Variants in MAML3 observed in about 807,000 individuals in gnomAD.
MAML3 encodes mastermind like transcriptional coactivator 3.
MAML3 carries 27 observed loss-of-function variants against 101.9 expected under a neutral mutation model. The observed-to-expected ratio is 0.27, with a 90% CI of 0.20 to 0.37. The LOEUF (loss-of-function observed/expected upper bound fraction) is 0.37, where lower values mean the gene tolerates loss of function less well. MAML3 is among the 10% of genes least tolerant of loss of function. The pLI is 1.00. For missense variants in MAML3, 1,316 were observed against 1,444.9 expected (o/e 0.91, Z 1.45); for synonymous variants, 501 against 555.9 (o/e 0.90, Z 1.39).
At chr4:140,008,351 T>C (rs962313980) in intron 1 of MAML3, among the ~76,000 whole-genome samples, 1 of 147,016 alleles carries the variant, frequency 6.8e-6, no homozygotes, top group Non-Finnish European at 1.5e-5. Flanking sequence ...CAGTCTCAAT[T>C]AAAAAAAAAA....
intron 1 of MAML3, among the ~76,000 whole-genome samples, chr4:140,151,769 G>A (rs1038136711): frequency 1.5e-4 from 23 of 152,144 alleles, no homozygotes; most frequent in Non-Finnish European, 2.8e-4. Context: ...CCGGAGAGGG[G>A]AGATAAGAGA....
At chr4:139,722,002 G>T (rs1354929324) in intron 4 of MAML3, among the ~76,000 whole-genome samples, 1 of 152,142 alleles carries the variant, frequency 6.6e-6, no homozygotes, top group Non-Finnish European at 1.5e-5. Context: ...GAGATTGATT[G>T]GATAGACCCA....
intron 1 of MAML3, among the ~76,000 whole-genome samples, chr4:139,930,126 A>G (rs1733351812): frequency 6.6e-6 from 1 of 152,252 alleles, no homozygotes; most frequent in Non-Finnish European, 1.5e-5. Context: ...TTCCCACAGA[A>G]TTATAGATAA....
At chr4:139,812,263 TAA>T (rs967869698) in intron 2 of MAML3, among the ~76,000 whole-genome samples, 2 of 152,088 alleles carry the variant, frequency 1.3e-5, no homozygotes, top group African/African-American at 4.8e-5. Flanking sequence ...AAGAAAATCT[TAA>T]AGAGTCTAGG....
intron 2 of MAML3, among the ~76,000 whole-genome samples, chr4:139,872,693 A>G (rs1005354356): frequency 1.3e-5 from 2 of 152,224 alleles, no homozygotes; most frequent in African/African-American, 4.8e-5. Flanking sequence ...GATAGAAATG[A>G]TAAGTGTCTT....
At position 139,719,300 on chromosome 4, in the gene MAML3, G is replaced by A. The variant is rs564706287; in HGVS notation, c.*23C>T. The A allele has an allele frequency of 1.9e-6, 3 of 1,540,654 alleles. No homozygotes were observed. Among genetic ancestry groups the A allele is most frequent in the South Asian group, 2.5e-5 (2 of 79,636 alleles). Reference sequence around the variant, plus strand: ...TTTTTAAGCTTTAACCACTCGAGTTGTGGATCTTGGGGCCTCTCTTGATTA... The same window carrying A: ...TTTTTAAGCTTTAACCACTCGAGTTATGGATCTTGGGGCCTCTCTTGATTA... On this transcript the variant is annotated 3_prime_UTR_variant, in exon 5 of 5. Coordinates refer to ENST00000509479, the MANE Select transcript of MAML3 (RefSeq NM_018717.5).
At chr4:140,121,597 T>G (rs981131008) in intron 1 of MAML3, among the ~76,000 whole-genome samples, 4 of 152,228 alleles carry the variant, frequency 2.6e-5, no homozygotes, top group Admixed American at 2.0e-4. Context: ...AAGCAAAAAC[T>G]AGAGTTTTAC....
intron 2 of MAML3, among the ~76,000 whole-genome samples, chr4:139,777,565 C>T (rs181211042): frequency 2.8e-4 from 43 of 152,104 alleles, no homozygotes; most frequent in Non-Finnish European, 5.3e-4. Flanking sequence ...TTCTCTCTGT[C>T]GCCCAGGCTG....
At chr4:139,908,565 GAT>G (rs1351237866) in intron 1 of MAML3, among the ~76,000 whole-genome samples, 1 of 152,200 alleles carries the variant, frequency 6.6e-6, no homozygotes, top group Non-Finnish European at 1.5e-5. Context: ...ATTCTTCTCA[GAT>G]ATTTAAGTAG....
intron 3 of MAML3, among the ~76,000 whole-genome samples, chr4:139,729,275 C>T (rs998558746): frequency 2.6e-5 from 4 of 151,706 alleles, no homozygotes; most frequent in African/African-American, 9.7e-5. Flanking sequence ...ATAGGGACCT[C>T]CATGGGCCCG....
intron 1 of MAML3, among the ~76,000 whole-genome samples, chr4:139,955,374 A>G (rs1733899311): frequency 6.6e-6 from 1 of 152,036 alleles, no homozygotes; most frequent in Admixed American, 6.6e-5. Flanking sequence ...TAGGGAGAGA[A>G]GGGATAGAGG....
intron 1 of MAML3, among the ~76,000 whole-genome samples, chr4:140,112,916 T>A (rs567817408): frequency 2.0e-5 from 3 of 152,228 alleles, no homozygotes; most frequent in Admixed American, 1.3e-4. Context: ...GAAACTTGCA[T>A]GCAATGCTCA....
rs1318083096 is a variant in MAML3, at chr4:139,890,060, C to A, written c.1376G>T (p.Ser459Ile). The stretch of plus-strand genomic sequence containing the variant: ...CTGTTCTGCTGGAGACATGTCAGAG[C>A]TGGGCACAGCCACAGGCCCTGACGC... ...GSASGPVAVP[S>I]SDMSPAEQLK... Residue 459 changes from serine to isoleucine, a missense_variant, in exon 2 of 5, where the codon AGC (serine) becomes ATC (isoleucine). Ser to Ile is a moderately radical substitution (Grantham distance 142). Coordinates refer to ENST00000509479, the MANE Select transcript of MAML3 (RefSeq NM_018717.5). The surrounding 1 kb of genome is among the most constrained non-coding windows in gnomAD (Gnocchi z 4.1). 23 of 1,609,426 alleles carry A rather than the reference C, an allele frequency of 1.4e-5. No homozygotes were observed. The highest frequency in any genetic ancestry group is 8.9e-5 in the East Asian group (4 of 44,794).
intron 2 of MAML3, among the ~76,000 whole-genome samples, chr4:139,749,436 T>C (rs1729428004): frequency 1.3e-5 from 2 of 152,234 alleles, no homozygotes; most frequent in Non-Finnish European, 2.9e-5. Context: ...GAAATCTGAT[T>C]GTTTTCTCAG....
chr4:140,075,350 T>C (rs1419637359), intron 1 of MAML3, among the ~76,000 whole-genome samples: 1 of 151,964 alleles, frequency 6.6e-6, no homozygotes, highest in Non-Finnish European at 1.5e-5. Flanking sequence ...AAGTAAAATA[T>C]AGATGTGTAG....
chr4:139,942,679 T>C (rs1309487038), intron 1 of MAML3, among the ~76,000 whole-genome samples: 3 of 152,038 alleles, frequency 2.0e-5, no homozygotes, highest in Non-Finnish European at 4.4e-5. Flanking sequence ...ATACTCCTAA[T>C]ATTAATTATA....
intron 2 of MAML3, among the ~76,000 whole-genome samples, chr4:139,881,712 T>C (rs1732224694): frequency 6.6e-6 from 1 of 152,232 alleles, no homozygotes; most frequent in African/African-American, 2.4e-5. Flanking sequence ...TGTATTTATT[T>C]ATTTATTGAA....
At chr4:140,036,657 C>T (rs78678294) in intron 1 of MAML3, among the ~76,000 whole-genome samples, 1,545 of 152,296 alleles carry the variant, frequency 0.01, 37 homozygotes, top group African/African-American at 0.035. Flanking sequence ...ACCTCAACCA[C>T]GGCCAATTTT....
At chr4:140,107,330 G>C (rs1314457459) in intron 1 of MAML3, among the ~76,000 whole-genome samples, 1 of 152,120 alleles carries the variant, frequency 6.6e-6, no homozygotes. Flanking sequence ...TCTGAGTCTA[G>C]TTTTCAATCA....
Sources: gnomAD v4.1 joint callset for allele counts (sites outside exome capture counted in the v4.1 genomes callset) on GRCh38, gnomAD v4.1.1 for gene constraint, Gnocchi (gnomAD v3.1) non-coding constraint, MANE v1.5 for transcripts, NCBI Gene and HGNC (gene_info 2026-07-23, HGNC 2026-07-21) for gene names.